GULP1: variants seen among roughly 807,000 people sequenced by gnomAD.
GULP1 encodes PTB domain-containing engulfment adapter protein 1.
Under a neutral mutation model 40.9 loss-of-function variants are expected in GULP1, and 19 were observed. The ratio of observed to expected loss-of-function variants is 0.46; its 90% CI spans 0.32 to 0.68. The LOEUF (loss-of-function observed/expected upper bound fraction) is 0.68, where lower values mean the gene tolerates loss of function less well. Among genes scored for constraint, GULP1 ranks in the 30% least tolerant of loss-of-function variants. GULP1 has a pLI of 0.03. For missense variants in GULP1, 312 were observed against 362.2 expected (o/e 0.86, Z 1.12); for synonymous variants, 119 against 117.6 (o/e 1.01, Z -0.08).
chr2:188,465,726 A>G (rs1463480373), intron 2 of GULP1, among the ~76,000 whole-genome samples: 8 of 152,102 alleles, frequency 5.3e-5, no homozygotes, highest in Non-Finnish European at 7.4e-5. Context: ...GCTATTAACA[A>G]GGGCAGCACT....
intron 5 of GULP1, among the ~76,000 whole-genome samples, chr2:188,526,471 T>C (rs972918470): frequency 5.3e-5 from 8 of 152,266 alleles, no homozygotes; most frequent in African/African-American, 1.7e-4. Context: ...TATAATGTTA[T>C]GTAGATTGAT....
intron 1 of GULP1, among the ~76,000 whole-genome samples, chr2:188,345,681 G>C (rs899656982): frequency 6.6e-6 from 1 of 152,060 alleles, no homozygotes; most frequent in African/African-American, 2.4e-5. Flanking sequence ...CTTTCAAGAA[G>C]GCTAGCTGTG....
chr2:188,382,401 G>A (rs530301967), intron 1 of GULP1, among the ~76,000 whole-genome samples: 10 of 152,294 alleles, frequency 6.6e-5, no homozygotes, highest in African/African-American at 2.4e-4. Flanking sequence ...TTACAGGCCT[G>A]ATAATGATCT....
At chr2:188,513,896 C>A (rs1383760318) in intron 4 of GULP1, among the ~76,000 whole-genome samples, 1 of 152,004 alleles carries the variant, frequency 6.6e-6, no homozygotes, top group African/African-American at 2.4e-5. Context: ...AAAAAAATAT[C>A]AGTTCCCAGA....
chr2:188,398,548 G>A (rs1459799915), intron 2 of GULP1, among the ~76,000 whole-genome samples: 19 of 152,106 alleles, frequency 1.2e-4, no homozygotes, highest in Non-Finnish European at 8.8e-5. Context: ...TATGTAGTAT[G>A]TAATTATAAT....
At chr2:188,502,276 C>G (rs943476335) in intron 4 of GULP1, among the ~76,000 whole-genome samples, 1 of 151,994 alleles carries the variant, frequency 6.6e-6, no homozygotes, top group South Asian at 2.1e-4. Flanking sequence ...CTGATTTACT[C>G]TATGGCTGGT....
intron 1 of GULP1, among the ~76,000 whole-genome samples, chr2:188,294,716 CCT>C (rs1444518890): frequency 2.0e-5 from 3 of 151,986 alleles, no homozygotes; most frequent in Non-Finnish European, 4.4e-5. Flanking sequence ...AAATGTTTTC[CCT>C]GACTATGATT....
At chr2:188,405,880 C>T (rs1459101390) in intron 2 of GULP1, among the ~76,000 whole-genome samples, 1 of 152,196 alleles carries the variant, frequency 6.6e-6, no homozygotes, top group Non-Finnish European at 1.5e-5. Flanking sequence ...CAGACATCAA[C>T]TCATGCCACA....
chr2:188,530,008 C>T (rs1387174230), intron 6 of GULP1, among the ~76,000 whole-genome samples: 1 of 152,162 alleles, frequency 6.6e-6, no homozygotes, highest in Non-Finnish European at 1.5e-5. Flanking sequence ...AGGCTGAACA[C>T]AGACTCAAAG....
chr2:188,340,000 A>C (rs1049967668), intron 1 of GULP1, among the ~76,000 whole-genome samples: 1 of 152,214 alleles, frequency 6.6e-6, no homozygotes, highest in Non-Finnish European at 1.5e-5. Context: ...AGTGTCACTC[A>C]ATATGGATGA....
intron 1 of GULP1, among the ~76,000 whole-genome samples, chr2:188,314,842 A>G (rs935251667): frequency 6.6e-6 from 1 of 152,064 alleles, no homozygotes; most frequent in Non-Finnish European, 1.5e-5. Flanking sequence ...ACCCCACACT[A>G]TCCCCTACTT....
intron 9 of GULP1, among the ~76,000 whole-genome samples, chr2:188,581,503 C>T (rs1701323513): frequency 1.3e-5 from 2 of 152,174 alleles, no homozygotes; most frequent in African/African-American, 4.8e-5. Context: ...TAATTGGCCA[C>T]TGTGACATCT....
At chr2:188,361,058 C>A (rs1271149879) in intron 1 of GULP1, among the ~76,000 whole-genome samples, 2 of 152,002 alleles carry the variant, frequency 1.3e-5, no homozygotes, top group African/African-American at 2.4e-5. Context: ...CGTAATATTG[C>A]GCAGATGACA....
At chr2:188,503,211 AT>A (rs201516137) in intron 4 of GULP1, among the ~76,000 whole-genome samples, 7 of 150,550 alleles carry the variant, frequency 4.6e-5, no homozygotes, top group Non-Finnish European at 5.9e-5. Flanking sequence ...GTTTTTCGGC[AT>A]TTTTTTTTAG....
At chr2:188,346,840 A>G (rs13018415) in intron 1 of GULP1, among the ~76,000 whole-genome samples, 150,488 of 151,494 alleles carry the variant, frequency 0.99, 74,754 homozygotes, top group East Asian at 1. Context: ...GCGTGGTGGC[A>G]GGCGCCTGTA....
chr2:188,530,898 C>T (rs1044593607), intron 6 of GULP1, among the ~76,000 whole-genome samples: 4 of 152,142 alleles, frequency 2.6e-5, no homozygotes, highest in Admixed American at 6.5e-5. Context: ...AAATACGTAT[C>T]GTCAAAGTGT....
intron 2 of GULP1, among the ~76,000 whole-genome samples, chr2:188,464,356 A>C (rs1248728915): frequency 6.6e-6 from 1 of 152,042 alleles, no homozygotes; most frequent in African/African-American, 2.4e-5. Flanking sequence ...CTTTCTCTCA[A>C]ACAAAGTCCC....
chr2:188,505,642 T>C (rs2063830899), intron 4 of GULP1, among the ~76,000 whole-genome samples: 1 of 151,802 alleles, frequency 6.6e-6, no homozygotes, highest in Admixed American at 6.6e-5. Flanking sequence ...GTCCATTCAG[T>C]GAAGATGTGC....
intron 2 of GULP1, among the ~76,000 whole-genome samples, chr2:188,386,119 T>A (rs2049707902): frequency 6.6e-6 from 1 of 152,080 alleles, no homozygotes; most frequent in African/African-American, 2.4e-5. Flanking sequence ...GACTGGGCAA[T>A]CTACAAAAGA....
Sources: allele counts gnomAD v4.1 joint callset (sites outside exome capture counted in the v4.1 genomes callset), GRCh38; gene constraint gnomAD v4.1.1; transcripts MANE v1.5; gene names NCBI Gene and HGNC (gene_info 2026-07-23, HGNC 2026-07-21).